DACH2: variants seen among roughly 807,000 people sequenced by gnomAD.
DACH2 encodes dachshund homolog 2.
In DACH2, 17 loss-of-function variants were observed where a neutral mutation model predicts 35.8. The observed-to-expected ratio is 0.48, with a 90% CI of 0.33 to 0.71. DACH2 has a LOEUF of 0.71. Among genes scored for constraint, DACH2 ranks in the 30% least tolerant of loss-of-function variants. The pLI, the probability that DACH2 is intolerant of heterozygous loss-of-function variation, is 0.02. For missense variants in DACH2, 469 were observed against 472.7 expected (o/e 0.99, Z 0.07); for synonymous variants, 195 against 177.3 (o/e 1.10, Z -0.79).
intron 3 of DACH2, among the ~76,000 whole-genome samples, chrX:86,531,749 A>G (rs2038724564): frequency 8.9e-6 from 1 of 112,509 alleles, no homozygotes; most frequent in African/African-American, 3.2e-5. Context: ...CCACTGGGAC[A>G]CTGCCTAGTG....
At chrX:86,675,277 G>A (rs2040813090) in intron 4 of DACH2, among the ~76,000 whole-genome samples, 1 of 111,847 alleles carries the variant, frequency 8.9e-6, no homozygotes, top group Admixed American at 9.5e-5. Flanking sequence ...GAAACCTATA[G>A]GAGGCAAACT....
At chrX:86,550,453 G>A (rs978164708) in intron 3 of DACH2, among the ~76,000 whole-genome samples, 1 of 110,882 alleles carries the variant, frequency 9.0e-6, no homozygotes, top group African/African-American at 3.3e-5. Context: ...ATGTAATAAA[G>A]TATTCTGTTG....
intron 6 of DACH2, 48 bp downstream of exon 6, chrX:86,714,768 A>G: frequency 9.5e-7 from 1 of 1,047,890 alleles, no homozygotes; most frequent in Non-Finnish European, 1.3e-6. Context: ...TTTCATGCAA[A>G]TTTTGATAAA....
At chrX:86,606,870 G>T (rs575680861) in intron 3 of DACH2, among the ~76,000 whole-genome samples, 4 of 111,466 alleles carry the variant, frequency 3.6e-5, no homozygotes, top group Non-Finnish European at 7.5e-5. Context: ...TCACACCTGG[G>T]TGTTCTGTTG....
chrX:86,742,115 A>C (rs1023550016), intron 7 of DACH2, among the ~76,000 whole-genome samples: 2 of 111,146 alleles, frequency 1.8e-5, no homozygotes, highest in Non-Finnish European at 3.8e-5. Flanking sequence ...ATTTCTAATT[A>C]CACTGGCAGT....
chrX:86,191,375 G>T (rs913185083), intron 1 of DACH2, among the ~76,000 whole-genome samples: 6 of 111,545 alleles, frequency 5.4e-5, no homozygotes, highest in Non-Finnish European at 1.1e-4. Context: ...CTAACACAAG[G>T]ACAGAAAACC....
intron 2 of DACH2, among the ~76,000 whole-genome samples, chrX:86,426,020 C>T (rs189412274): frequency 2.3e-4 from 25 of 110,962 alleles, no homozygotes; most frequent in African/African-American, 5.2e-4. Context: ...TTACTGAAAC[C>T]GCATGCTTAG....
intron 3 of DACH2, among the ~76,000 whole-genome samples, chrX:86,589,956 T>TGA (rs1322127028): frequency 8.9e-6 from 1 of 112,086 alleles, no homozygotes; most frequent in Non-Finnish European, 1.9e-5. Context: ...GGAAATTGGT[T>TGA]AAGTGTTGGA....
chrX:86,768,888 A>G (rs900744653), intron 7 of DACH2, among the ~76,000 whole-genome samples: 1 of 111,062 alleles, frequency 9.0e-6, no homozygotes, highest in African/African-American at 3.3e-5. Context: ...TCTCACTTGT[A>G]AGTGAGAACA....
intron 4 of DACH2, among the ~76,000 whole-genome samples, chrX:86,654,748 C>T (rs1377169003): frequency 2.7e-5 from 3 of 111,121 alleles, no homozygotes; most frequent in African/African-American, 9.8e-5. Context: ...TTTCAATACT[C>T]CCATTTTATA....
chrX:86,148,626 T>C lies in DACH2; in HGVS notation c.6T>C (p.Ala2=), dbSNP rs1365691900. The C allele has an allele frequency of 8.6e-7, 1 of 1,165,655 alleles. No homozygotes were observed. Among genetic ancestry groups the C allele is most frequent in the African/African-American group, 1.8e-5 (1 of 56,371 alleles). Residue 2 remains alanine, a synonymous_variant, in exon 1 of 12, where the codon GCT becomes GCC. Transcript: ENST00000373125. The part of the protein sequence containing the change: M[A]VSASPVISAT... The stretch of plus-strand genomic sequence containing the variant: ...ACGATAGAGACAGAGTGACCATGGC[T>C]GTCTCCGCATCTCCAGTGATCTCTG...
At chrX:86,301,665 G>GA (rs1422537100) in intron 1 of DACH2, among the ~76,000 whole-genome samples, 5 of 111,595 alleles carry the variant, frequency 4.5e-5, no homozygotes, top group Admixed American at 1.9e-4. Flanking sequence ...TTATGACATT[G>GA]AAAAAATGTA....
intron 7 of DACH2, among the ~76,000 whole-genome samples, chrX:86,769,940 T>C (rs767491053): frequency 1.8e-5 from 2 of 108,218 alleles, no homozygotes; most frequent in Non-Finnish European, 3.8e-5. Context: ...GGCGGGAGGA[T>C]TGTCTGAGCC....
chrX:86,765,410 A>G (rs2041922283), intron 7 of DACH2, among the ~76,000 whole-genome samples: 2 of 111,399 alleles, frequency 1.8e-5, no homozygotes, highest in African/African-American at 6.5e-5. Context: ...ACTTTTATAT[A>G]TGGTGAAAAG....
At chrX:86,385,412 G>C (rs1230501971) in intron 2 of DACH2, among the ~76,000 whole-genome samples, 1 of 110,738 alleles carries the variant, frequency 9.0e-6, no homozygotes, top group Non-Finnish European at 1.9e-5. Context: ...TGCATCCTTG[G>C]ACTGAAAATA....
intron 1 of DACH2, among the ~76,000 whole-genome samples, chrX:86,186,269 G>A (rs1001246233): frequency 3.6e-5 from 4 of 112,507 alleles, no homozygotes; most frequent in Non-Finnish European, 5.6e-5. Flanking sequence ...TTGAACATGG[G>A]TATAAACGTT....
intron 1 of DACH2, among the ~76,000 whole-genome samples, chrX:86,185,272 G>A (rs904060045): frequency 2.7e-5 from 3 of 111,716 alleles, no homozygotes; most frequent in Non-Finnish European, 5.6e-5. Flanking sequence ...TGATCCAGTG[G>A]CAACAATATA....
intron 4 of DACH2, among the ~76,000 whole-genome samples, chrX:86,674,987 T>C (rs1026368805): frequency 9.0e-6 from 1 of 111,103 alleles, no homozygotes; most frequent in African/African-American, 3.3e-5. Flanking sequence ...GTAATATGTA[T>C]AAATTATTAG....
At chrX:86,202,284 A>T (rs1201698144) in intron 1 of DACH2, among the ~76,000 whole-genome samples, 1 of 111,412 alleles carries the variant, frequency 9.0e-6, no homozygotes, top group African/African-American at 3.3e-5. Context: ...CAATTATAAT[A>T]CTATAGACCT....
Sources: gnomAD v4.1 joint callset for allele counts (sites outside exome capture counted in the v4.1 genomes callset) on GRCh38, gnomAD v4.1.1 for gene constraint, MANE v1.5 for transcripts, NCBI Gene and HGNC (gene_info 2026-07-23, HGNC 2026-07-21) for gene names.